The following ZBTB5 variants were observed in gnomAD, a reference collection of about 807,000 sequenced individuals.
ZBTB5 encodes zinc finger and BTB domain containing 5, also known as zinc finger and BTB domain-containing protein 5.
ZBTB5 carries 15 observed loss-of-function variants against 37.9 expected under a neutral mutation model. The ratio of observed to expected loss-of-function variants is 0.40; its 90% CI spans 0.26 to 0.61. The LOEUF is 0.61. Among genes scored for constraint, ZBTB5 ranks in the 20% least tolerant of loss-of-function variants. The pLI is 0.47. For synonymous variants in ZBTB5, 315 were observed against 312.4 expected (o/e 1.01, Z -0.09); for missense variants, 708 against 856.8 (o/e 0.83, Z 2.17).
At chr9:37,458,524 G>T (rs1434260918) in intron 1 of ZBTB5, among the ~76,000 whole-genome samples, 1 of 152,174 alleles carries the variant, frequency 6.6e-6, no homozygotes, top group Non-Finnish European at 1.5e-5. Context: ...AAAAATGAAT[G>T]AAACAAGCCT....
chr9:37,442,647 C>T (rs1041769453), intron 1 of ZBTB5, 92 bp from the exon 2 acceptor site: 5 of 1,044,850 alleles, frequency 4.8e-6, no homozygotes, highest in Middle Eastern at 2.4e-4. Flanking sequence ...GAATGGATGG[C>T]CAAGCTTGGA....
chr9:37,441,889 A>G lies in ZBTB5; in HGVS notation c.663T>C (p.Asn221=). ...ESAISDVTPE[N]GPSGVHSREE... ...CCCGAGAATGAACCCCTGAAGGCCC[A>G]TTCTCCGGTGTAACATCTGAAATGG... Residue 221 remains asparagine (N), a synonymous_variant, in exon 2 of 2, where the codon AAT becomes AAC. Coordinates refer to ENST00000307750, the MANE Select transcript of ZBTB5 (RefSeq NM_014872.3). 1.2e-6 allele frequency: 2 copies of G among 1,614,168 alleles called. No homozygotes were observed. The highest frequency in any genetic ancestry group is 1.7e-6 in the Non-Finnish European group (2 of 1,180,030).
chr9:37,440,417 C>T lies in ZBTB5; in HGVS notation c.*101G>A. On this transcript the variant is annotated 3_prime_UTR_variant, in exon 2 of 2. Coordinates refer to ENST00000307750, the MANE Select transcript of ZBTB5 (RefSeq NM_014872.3). ...ATTAGTTGCTAAACTGTTTAAGAGC[C>T]ACTGGGCAGCTGGAAGCCTCGAACC... 1 of 930,246 alleles carries T rather than the reference C, an allele frequency of 1.1e-6. No homozygotes were observed. Among genetic ancestry groups the T allele is most frequent in the Non-Finnish European group, 1.6e-6 (1 of 620,622 alleles). The allele number at this position is 930,246 out of a possible 1,614,324, so 57.6% of individuals were successfully genotyped here.
In ZBTB5 at chr9:37,440,496, G is replaced by A. The variant is rs374324471; in HGVS notation, c.*22C>T. 5.9e-5 allele frequency: 94 copies of A among 1,606,290 alleles called. No individual in the cohort carries two copies. Among genetic ancestry groups the A allele is most frequent in the Middle Eastern group, 1.7e-4 (1 of 6,014 alleles). On this transcript the variant is annotated 3_prime_UTR_variant, in exon 2 of 2. Transcript: ENST00000307750. ...ATTCAGTCTGACAACTGGCCTCAGC[G>A]TTGTCTTGTAAGGACAAACAGCTAG...
intron 1 of ZBTB5, among the ~76,000 whole-genome samples, chr9:37,455,865 G>C (rs553434604): frequency 3.2e-4 from 49 of 152,102 alleles, no homozygotes; most frequent in Middle Eastern, 6.8e-3. Context: ...ATACAGGTGG[G>C]GTCTCAATAT....
chr9:37,449,694 C>CA (rs60696023), intron 1 of ZBTB5, among the ~76,000 whole-genome samples: 3,874 of 49,010 alleles, frequency 0.079, 136 homozygotes, highest in African/African-American at 0.12. Context: ...ATGAGACTCT[C>CA]AAAAAAAAAA....
chr9:37,449,365 G>A (rs926980535), intron 1 of ZBTB5, among the ~76,000 whole-genome samples: 14 of 151,978 alleles, frequency 9.2e-5, no homozygotes, highest in Non-Finnish European at 1.6e-4. Context: ...CACATTGCAC[G>A]GCCTACTCCA....
chr9:37,448,423 A>C (rs1014016043), intron 1 of ZBTB5, among the ~76,000 whole-genome samples: 1 of 152,228 alleles, frequency 6.6e-6, no homozygotes, highest in South Asian at 2.1e-4. Flanking sequence ...AGGGGTGCTC[A>C]GAAGATTCTG....
rs180962830 is a variant in ZBTB5, at chr9:37,446,598, A to G, written c.-4-4043T>C. Among the ~76,000 whole-genome samples, 587 of 152,356 alleles carry G rather than the reference A, an allele frequency of 3.9e-3. 2 individuals carry two copies. The highest frequency in any genetic ancestry group is 6.9e-3 in the Admixed American group (106 of 15,294). On this transcript the variant is annotated intron_variant, in intron 1 of 1. Coordinates refer to ENST00000307750, the MANE Select transcript of ZBTB5 (RefSeq NM_014872.3). Reference sequence around the variant, plus strand: ...TCTTTGCTATCATGTATGAGAGATCAGATCTCCAAAGATGCAGCCACTGCC... The same window carrying G: ...TCTTTGCTATCATGTATGAGAGATCGGATCTCCAAAGATGCAGCCACTGCC...
intron 1 of ZBTB5, among the ~76,000 whole-genome samples, chr9:37,462,685 TC>T (rs1307568676): frequency 6.6e-6 from 1 of 151,738 alleles, no homozygotes; most frequent in African/African-American, 2.4e-5. Context: ...CGCCTCGGCC[TC>T]CTGAGTAGCT....
intron 1 of ZBTB5, among the ~76,000 whole-genome samples, chr9:37,457,063 G>C (rs1018134037): frequency 1.3e-5 from 2 of 152,170 alleles, no homozygotes; most frequent in African/African-American, 4.8e-5. Context: ...GCAAGGAGTG[G>C]CTGCTTAAAT....
Position 37,441,157 on chromosome 9 carries a change from A to C in ZBTB5, c.1395T>G (p.His465Gln). The C allele has an allele frequency of 1.9e-6, 3 of 1,613,954 alleles. No individual in the cohort carries two copies. The highest frequency in any genetic ancestry group is 2.5e-6 in the Non-Finnish European group (3 of 1,179,938). Residue 465 changes from histidine to glutamine, a missense_variant, in exon 2 of 2, where the codon CAT becomes CAG. His to Gln is a conservative substitution (Grantham distance 24, BLOSUM62 0). Coordinates refer to ENST00000307750, the MANE Select transcript of ZBTB5 (RefSeq NM_014872.3). ...CAGGTTCACTAAATGGGTTCTCTAC[A>C]TGGGAGCCAGGGGCAGAGGAGGGCC... ...AGGPSSAPGS[H>Q]VENPFSEPAD...
chr9:37,460,908 A>G (rs1181217085), intron 1 of ZBTB5, among the ~76,000 whole-genome samples: 2 of 152,152 alleles, frequency 1.3e-5, no homozygotes, highest in Non-Finnish European at 2.9e-5. Context: ...AAAAAAAACT[A>G]AACTTTTATC....
intron 1 of ZBTB5, among the ~76,000 whole-genome samples, chr9:37,458,027 C>A (rs879758774): frequency 6.6e-6 from 1 of 152,156 alleles, no homozygotes; most frequent in Non-Finnish European, 1.5e-5. Flanking sequence ...TAAGTTTAAG[C>A]AGCACATCAG....
chr9:37,441,787 A>G lies in ZBTB5; in HGVS notation c.765T>C (p.Asp255=), dbSNP rs144239061. 3 of 1,614,036 alleles carry G rather than the reference A, an allele frequency of 1.9e-6. No individual in the cohort carries two copies. Among genetic ancestry groups the G allele is most frequent in the Non-Finnish European group, 2.5e-6 (3 of 1,179,988 alleles). ...KADGMTDNQE[D]SAIMFDQSFG... ...AAGACTGATCAAACATGATCGCACT[A>G]TCTTCCTGGTTATCAGTCATTCCAT... The change falls in exon 2 of 2, where the codon GAT becomes GAC. Residue 255 remains aspartate (D), a synonymous_variant. Transcript: ENST00000307750.
At chr9:37,448,276 G>A (rs944811269) in intron 1 of ZBTB5, among the ~76,000 whole-genome samples, 1 of 152,164 alleles carries the variant, frequency 6.6e-6, no homozygotes. Context: ...CTTTAGGGAT[G>A]CTTGGAACTT....
At chr9:37,455,404 T>A (rs949765293) in intron 1 of ZBTB5, among the ~76,000 whole-genome samples, 1 of 152,080 alleles carries the variant, frequency 6.6e-6, no homozygotes, top group African/African-American at 2.4e-5. Context: ...ATCCTTCAAG[T>A]CCATGTGTGA....
In ZBTB5 at chr9:37,440,919, C is replaced by T. The variant is rs778430104; in HGVS notation, c.1633G>A (p.Val545Ile). The change falls in exon 2 of 2, where the codon GTA (valine) becomes ATA (isoleucine). Residue 545 changes from valine to isoleucine, a missense_variant. Val to Ile is a conservative substitution (Grantham distance 29). Around this residue, in one of 3 missense-constraint regions of ZBTB5, gnomAD observed 639 missense variants for 690.5 expected, o/e 0.93. Transcript: ENST00000307750. ...YRRIAPKMPV[V>I]TSVRSSQIPE... Reference sequence around the variant, plus strand: ...ATCTGTGAGCTCCTGACGGAAGTTACAACTGGCATTTTGGGAGCTATGCGG... The same window carrying T: ...ATCTGTGAGCTCCTGACGGAAGTTATAACTGGCATTTTGGGAGCTATGCGG... The T allele has an allele frequency of 6.2e-7, 1 of 1,614,178 alleles. No homozygotes were observed. The highest frequency in any genetic ancestry group is 8.5e-7 in the Non-Finnish European group (1 of 1,180,034).
chr9:37,448,784 C>T (rs909338717), intron 1 of ZBTB5, among the ~76,000 whole-genome samples: 4 of 152,226 alleles, frequency 2.6e-5, no homozygotes, highest in Admixed American at 6.5e-5. Flanking sequence ...CAGTGGCTCA[C>T]GCCTGTAATC....
Sources: allele counts gnomAD v4.1 joint callset (sites outside exome capture counted in the v4.1 genomes callset), GRCh38; gene constraint gnomAD v4.1.1; regional missense constraint gnomAD v4.1.1; transcripts MANE v1.5; gene names NCBI Gene and HGNC (gene_info 2026-07-23, HGNC 2026-07-21).